The following PTPRM variants were observed in gnomAD, a reference collection of about 807,000 sequenced individuals.
The protein encoded by PTPRM is protein tyrosine phosphatase receptor type M.
In PTPRM, 47 loss-of-function variants were observed where a neutral mutation model predicts 186.7. The ratio of observed to expected loss-of-function variants is 0.25; its 90% confidence interval spans 0.20 to 0.32. The LOEUF (loss-of-function observed/expected upper bound fraction) is 0.32, where lower values mean the gene tolerates loss of function less well. PTPRM is among the 10% of genes least tolerant of loss of function. The pLI is 1.00. For synonymous variants in PTPRM, 668 were observed against 674.9 expected (o/e 0.99, Z 0.16); for missense variants, 1,494 against 1,865.0 (o/e 0.80, Z 3.66).
At chr18:7,765,053 G>A (rs986231812) in intron 1 of PTPRM, among the ~76,000 whole-genome samples, 1 of 152,192 alleles carries the variant, frequency 6.6e-6, no homozygotes, top group South Asian at 2.1e-4. Flanking sequence ...AGATAGTCAA[G>A]TTCCTAATAA....
intron 3 of PTPRM, among the ~76,000 whole-genome samples, chr18:7,902,526 G>A (rs752782689): frequency 3.3e-5 from 5 of 152,248 alleles, no homozygotes; most frequent in African/African-American, 4.8e-5. Flanking sequence ...ATGGTTCTGC[G>A]TCAGGAAAGG....
At position 7,806,558 on chromosome 18, in the gene PTPRM, T is replaced by G. The variant is rs972508085; in HGVS notation, c.196+32287T>G. Among the ~76,000 whole-genome samples the G allele has an allele frequency of 2.6e-5, 4 of 152,308 alleles. No individual in the cohort carries two copies. The East Asian group carries it at 7.7e-4, about 29-fold the overall frequency. On this transcript the variant is annotated intron_variant, in intron 2 of 32. Coordinates refer to ENST00000580170, the MANE Select transcript of PTPRM (RefSeq NM_001105244.2). Reference sequence around the variant, plus strand: ...TTTAAAAAATCAATTGACTGATTTATGAGCAAAAAGGGCATCATTGTCTTG... The same window carrying G: ...TTTAAAAAATCAATTGACTGATTTAGGAGCAAAAAGGGCATCATTGTCTTG...
intron 2 of PTPRM, among the ~76,000 whole-genome samples, chr18:7,863,789 T>C (rs1183234602): frequency 6.6e-6 from 1 of 152,202 alleles, no homozygotes; most frequent in East Asian, 1.9e-4. Context: ...TCTTCCACAA[T>C]GGTTGAACTA....
intron 15 of PTPRM, 49 bp from the exon 16 acceptor site, chr18:8,247,796 A>G (rs1263760134): frequency 2.2e-6 from 3 of 1,374,206 alleles, no homozygotes; most frequent in Non-Finnish European, 3.1e-6. Context: ...GTGTGTTCAG[A>G]GTGTATTACC....
intron 4 of PTPRM, among the ~76,000 whole-genome samples, chr18:7,917,461 G>A (rs1395717867): frequency 1.4e-4 from 21 of 152,142 alleles, no homozygotes; most frequent in African/African-American, 5.1e-4. Context: ...GCGTGAACCT[G>A]GGAGGCGGAG....
chr18:8,001,959 A>G (rs998030169), intron 7 of PTPRM, among the ~76,000 whole-genome samples: 5 of 152,240 alleles, frequency 3.3e-5, no homozygotes, highest in African/African-American at 1.2e-4. Context: ...GGTTTCCTTG[A>G]ACAGTTCTGC....
At chr18:8,289,415 CATATATACGT>C (rs200662370) in intron 19 of PTPRM, among the ~76,000 whole-genome samples, 13,530 of 132,560 alleles carry the variant, frequency 0.1, 994 homozygotes, top group South Asian at 0.17. Context: ...TATATATACA[CATATATACGT>C]ATATATATGT....
intron 1 of PTPRM, among the ~76,000 whole-genome samples, chr18:7,640,596 A>G (rs1429816431): frequency 6.6e-6 from 1 of 152,138 alleles, no homozygotes; most frequent in Admixed American, 6.5e-5. Flanking sequence ...ACTTTAGGTC[A>G]TCCTTATTCC....
intron 1 of PTPRM, among the ~76,000 whole-genome samples, chr18:7,581,062 G>A (rs1412420700): frequency 6.6e-6 from 1 of 152,102 alleles, no homozygotes; most frequent in Non-Finnish European, 1.5e-5. Flanking sequence ...TCTTTTTTCT[G>A]TCGGCTGTTA....
At chr18:7,655,014 G>A (rs2038814677) in intron 1 of PTPRM, among the ~76,000 whole-genome samples, 1 of 152,088 alleles carries the variant, frequency 6.6e-6, no homozygotes, top group Non-Finnish European at 1.5e-5. Flanking sequence ...ACTAAGAATA[G>A]CATTGAATCT....
At chr18:7,767,741 T>C (rs1441363576) in intron 1 of PTPRM, among the ~76,000 whole-genome samples, 4 of 152,250 alleles carry the variant, frequency 2.6e-5, no homozygotes, top group Non-Finnish European at 5.9e-5. Flanking sequence ...ATTCAACTTT[T>C]GTAAGTCAAA....
intron 2 of PTPRM, among the ~76,000 whole-genome samples, chr18:7,790,585 C>A (rs2043294331): frequency 1.3e-5 from 2 of 152,158 alleles, no homozygotes; most frequent in Non-Finnish European, 2.9e-5. Context: ...TTCTTTCCTC[C>A]CTGATTCACT....
intron 13 of PTPRM, among the ~76,000 whole-genome samples, chr18:8,125,469 A>G (rs977807239): frequency 2.0e-5 from 3 of 152,118 alleles, no homozygotes; most frequent in Non-Finnish European, 4.4e-5. Context: ...CGTACTTCCA[A>G]CACTACTCAC....
chr18:7,760,898 C>T (rs2041739722), intron 1 of PTPRM, among the ~76,000 whole-genome samples: 1 of 152,118 alleles, frequency 6.6e-6, no homozygotes. Flanking sequence ...GTTGCCTTGT[C>T]CAAAGCCACA....
At chr18:8,175,398 T>G (rs1477118311) in intron 14 of PTPRM, among the ~76,000 whole-genome samples, 1 of 152,184 alleles carries the variant, frequency 6.6e-6, no homozygotes, top group Non-Finnish European at 1.5e-5. Flanking sequence ...AAAATCTGTA[T>G]ATTTGAGGTT....
intron 7 of PTPRM, among the ~76,000 whole-genome samples, chr18:7,966,158 T>A (rs1358840779): frequency 2.0e-5 from 3 of 152,194 alleles, no homozygotes; most frequent in Non-Finnish European, 4.4e-5. Context: ...TAGAATGCTT[T>A]AAAAATGAAT....
intron 24 of PTPRM, among the ~76,000 whole-genome samples, chr18:8,374,169 A>G (rs755508130): frequency 3.3e-5 from 5 of 152,184 alleles, no homozygotes; most frequent in Admixed American, 1.3e-4. Flanking sequence ...AATTTTGAGA[A>G]ATGTTTTCTA....
intron 2 of PTPRM, among the ~76,000 whole-genome samples, chr18:7,780,805 G>T (rs2042819361): frequency 6.6e-6 from 1 of 152,094 alleles, no homozygotes; most frequent in South Asian, 2.1e-4. Flanking sequence ...TGCAGACAGG[G>T]ACAGCTTTTC....
chr18:8,214,742 C>A (rs2094056168), intron 14 of PTPRM, among the ~76,000 whole-genome samples: 1 of 152,178 alleles, frequency 6.6e-6, no homozygotes, highest in Non-Finnish European at 1.5e-5. Context: ...CGGTCCACTG[C>A]AACTTCAGCC....
Sources: gnomAD v4.1 joint callset for allele counts (sites outside exome capture counted in the v4.1 genomes callset) on GRCh38, gnomAD v4.1.1 for gene constraint, MANE v1.5 for transcripts, NCBI Gene and HGNC (gene_info 2026-07-23, HGNC 2026-07-21) for gene names.